Variants in RUNDC3B observed in about 807,000 individuals in gnomAD.
The protein encoded by RUNDC3B is RUN domain containing 3B.
A neutral mutation model predicts 58.4 loss-of-function variants in RUNDC3B; 33 were observed. That is an observed-to-expected ratio of 0.56 (90% confidence interval 0.43 to 0.75). The LOEUF (loss-of-function observed/expected upper bound fraction) is 0.75. Ranked by LOEUF, RUNDC3B falls within the 30% of genes least tolerant of loss-of-function variation. RUNDC3B has a pLI of 0.00. For synonymous variants in RUNDC3B, 193 were observed against 195.2 expected (o/e 0.99, Z 0.10); for missense variants, 501 against 535.7 (o/e 0.94, Z 0.64).
At chr7:87,784,558 T>C (rs1332857024) in intron 8 of RUNDC3B, among the ~76,000 whole-genome samples, 1 of 152,010 alleles carries the variant, frequency 6.6e-6, no homozygotes, top group Non-Finnish European at 1.5e-5. Context: ...GCTAAAGGAA[T>C]TTATTTTTGT....
chr7:87,804,691 A>G (rs986984266), intron 8 of RUNDC3B, among the ~76,000 whole-genome samples: 2 of 152,314 alleles, frequency 1.3e-5, no homozygotes, highest in African/African-American at 4.8e-5. Context: ...TAAGTGATAA[A>G]TAGAATCTAT....
intron 8 of RUNDC3B, among the ~76,000 whole-genome samples, chr7:87,783,949 G>C (rs1835075924): frequency 6.6e-6 from 1 of 151,834 alleles, no homozygotes; most frequent in Admixed American, 6.6e-5. Flanking sequence ...CTTTCACGTT[G>C]ACCTGGCAAG....
intron 2 of RUNDC3B, among the ~76,000 whole-genome samples, chr7:87,668,517 G>A (rs552606390): frequency 8.6e-5 from 13 of 151,272 alleles, no homozygotes; most frequent in African/African-American, 2.4e-4. Flanking sequence ...CTTGTCTTCC[G>A]CTAGTATTGG....
intron 6 of RUNDC3B, among the ~76,000 whole-genome samples, chr7:87,764,091 CTTT>C (rs1028585439): frequency 6.6e-6 from 1 of 151,438 alleles, no homozygotes; most frequent in Admixed American, 6.6e-5. Flanking sequence ...TATTTGTGTC[CTTT>C]TTAAGTGTAA....
At chr7:87,731,888 G>A (rs553813248) in intron 4 of RUNDC3B, among the ~76,000 whole-genome samples, 75 of 152,214 alleles carry the variant, frequency 4.9e-4, no homozygotes, top group Non-Finnish European at 8.2e-4. Flanking sequence ...ATGAAACATC[G>A]GGTTGGAGGT....
intron 6 of RUNDC3B, among the ~76,000 whole-genome samples, chr7:87,762,940 A>C (rs1475304037): frequency 6.6e-6 from 1 of 151,390 alleles, no homozygotes; most frequent in African/African-American, 2.4e-5. Context: ...ATTTACTGAT[A>C]TATTTGGAAT....
At chr7:87,654,303 G>A (rs986582959) in intron 2 of RUNDC3B, among the ~76,000 whole-genome samples, 3 of 151,970 alleles carry the variant, frequency 2.0e-5, no homozygotes, top group African/African-American at 7.2e-5. Flanking sequence ...AACAAAGCTG[G>A]AGGCATCAAA....
chr7:87,655,003 G>A (rs542887343), intron 2 of RUNDC3B, among the ~76,000 whole-genome samples: 11 of 152,124 alleles, frequency 7.2e-5, no homozygotes, highest in African/African-American at 2.4e-4. Context: ...CCCCTCGTTA[G>A]AATGCATATT....
At chr7:87,714,408 T>A (rs1023334407) in intron 4 of RUNDC3B, among the ~76,000 whole-genome samples, 2 of 152,128 alleles carry the variant, frequency 1.3e-5, no homozygotes, top group Non-Finnish European at 2.9e-5. Context: ...GATGGTCACA[T>A]GGGGATGAAG....
intron 1 of RUNDC3B, among the ~76,000 whole-genome samples, chr7:87,631,026 C>G (rs1648647679): frequency 6.6e-6 from 1 of 152,124 alleles, no homozygotes; most frequent in African/African-American, 2.4e-5. Context: ...TATGTGCTAA[C>G]TTTAGTTACA....
intron 10 of RUNDC3B, among the ~76,000 whole-genome samples, chr7:87,821,872 C>T (rs1260577379): frequency 2.0e-5 from 3 of 152,124 alleles, no homozygotes; most frequent in Non-Finnish European, 2.9e-5. Flanking sequence ...CTTCCTTACA[C>T]CTTATACAAA....
chr7:87,716,076 A>G (rs1330684177), intron 4 of RUNDC3B, among the ~76,000 whole-genome samples: 2 of 152,050 alleles, frequency 1.3e-5, no homozygotes, highest in East Asian at 1.9e-4. Flanking sequence ...TTAATTGATT[A>G]ATTAATTAAT....
At chr7:87,783,774 G>T (rs1208045293) in intron 8 of RUNDC3B, among the ~76,000 whole-genome samples, 2 of 152,138 alleles carry the variant, frequency 1.3e-5, no homozygotes, top group Non-Finnish European at 2.9e-5. Flanking sequence ...GGTTTGGTGG[G>T]ATATTAAATT....
intron 3 of RUNDC3B, among the ~76,000 whole-genome samples, chr7:87,709,689 C>T (rs1466343268): frequency 6.6e-6 from 1 of 152,002 alleles, no homozygotes; most frequent in Non-Finnish European, 1.5e-5. Flanking sequence ...TGTTTTTTCC[C>T]TTTCTGGTAG....
At chr7:87,683,558 G>C (rs1203783639) in intron 2 of RUNDC3B, among the ~76,000 whole-genome samples, 1 of 152,200 alleles carries the variant, frequency 6.6e-6, no homozygotes. Flanking sequence ...GAAAGAGAGA[G>C]ATGGGAAATG....
chr7:87,701,769 AAC>A (rs1829058487), intron 3 of RUNDC3B, among the ~76,000 whole-genome samples: 1 of 152,212 alleles, frequency 6.6e-6, no homozygotes, highest in South Asian at 2.1e-4. Context: ...CAACCAAAAC[AAC>A]ACATTGTTAC....
intron 8 of RUNDC3B, among the ~76,000 whole-genome samples, chr7:87,801,291 G>A (rs1053827915): frequency 6.6e-6 from 1 of 152,122 alleles, no homozygotes; most frequent in Non-Finnish European, 1.5e-5. Context: ...GGGTATTCTG[G>A]GTACAGAGAA....
intron 4 of RUNDC3B, among the ~76,000 whole-genome samples, chr7:87,728,271 A>G (rs1831365175): frequency 6.6e-6 from 1 of 152,146 alleles, no homozygotes; most frequent in Non-Finnish European, 1.5e-5. Context: ...AATACCATAG[A>G]GTCAAAACAC....
intron 8 of RUNDC3B, among the ~76,000 whole-genome samples, chr7:87,798,096 G>T (rs1453948790): frequency 6.6e-6 from 1 of 152,120 alleles, no homozygotes; most frequent in Non-Finnish European, 1.5e-5. Flanking sequence ...CCATCTTTGT[G>T]CATTTTTCCC....
Sources: allele counts gnomAD v4.1 joint callset (sites outside exome capture counted in the v4.1 genomes callset), GRCh38; gene constraint gnomAD v4.1.1; transcripts MANE v1.5; gene names NCBI Gene and HGNC (gene_info 2026-07-23, HGNC 2026-07-21).